Variants in SMYD3 observed in about 807,000 individuals in gnomAD.
SMYD3 encodes histone-lysine N-methyltransferase SMYD3.
Under a neutral mutation model 57.7 loss-of-function variants are expected in SMYD3, and 36 were observed. The observed-to-expected ratio is 0.62, with a 90% CI of 0.48 to 0.82. The LOEUF (loss-of-function observed/expected upper bound fraction) is 0.82. SMYD3 is among the 40% of genes least tolerant of loss of function. SMYD3 has a pLI of 0.00. For synonymous variants in SMYD3, 211 were observed against 195.0 expected (o/e 1.08, Z -0.68); for missense variants, 515 against 538.8 (o/e 0.96, Z 0.44).
At chr1:246,036,013 T>C (rs12040137) in intron 5 of SMYD3, among the ~76,000 whole-genome samples, 2,690 of 152,270 alleles carry the variant, frequency 0.018, 114 homozygotes, top group South Asian at 0.15. Flanking sequence ...CCAGAACCAG[T>C]TGAAAGTGCA....
chr1:245,866,755 AAAC>A (rs1254800880), intron 8 of SMYD3, among the ~76,000 whole-genome samples: 8 of 152,082 alleles, frequency 5.3e-5, no homozygotes, highest in Non-Finnish European at 2.9e-5. Context: ...AAAAGAAGGT[AAAC>A]AACAGTCTCC....
intron 1 of SMYD3, among the ~76,000 whole-genome samples, chr1:246,363,743 C>T (rs1212299476): frequency 6.6e-6 from 1 of 151,922 alleles, no homozygotes; most frequent in Non-Finnish European, 1.5e-5. Flanking sequence ...TAAGAGTCAT[C>T]ACCACTCCCT....
At chr1:246,292,077 C>T (rs12062096) in intron 5 of SMYD3, among the ~76,000 whole-genome samples, 1 of 151,438 alleles carries the variant, frequency 6.6e-6, no homozygotes, top group Admixed American at 6.6e-5. Flanking sequence ...TCCAACACAC[C>T]AGCATCTTAG....
chr1:246,013,678 G>A (rs965612551), intron 5 of SMYD3, among the ~76,000 whole-genome samples: 1 of 152,118 alleles, frequency 6.6e-6, no homozygotes, highest in Non-Finnish European at 1.5e-5. Flanking sequence ...AAAGGGACAC[G>A]CCAGGTATTA....
chr1:246,500,540 C>T (rs534652395), intron 1 of SMYD3, among the ~76,000 whole-genome samples: 2 of 152,314 alleles, frequency 1.3e-5, no homozygotes, highest in South Asian at 2.1e-4. Context: ...CATAATAACC[C>T]GACACAAGGT....
At chr1:246,225,625 T>C (rs1450221791) in intron 5 of SMYD3, among the ~76,000 whole-genome samples, 1 of 152,134 alleles carries the variant, frequency 6.6e-6, no homozygotes, top group Non-Finnish European at 1.5e-5. Context: ...GGAAAGACAG[T>C]GTCTCTGGAG....
intron 1 of SMYD3, among the ~76,000 whole-genome samples, chr1:246,405,478 A>C (rs1319936958): frequency 6.6e-6 from 1 of 152,198 alleles, no homozygotes; most frequent in Non-Finnish European, 1.5e-5. Flanking sequence ...AAAATCCCAG[A>C]GCTAGCCAGA....
chr1:246,334,999 C>A (rs1317171307), intron 3 of SMYD3, among the ~76,000 whole-genome samples: 1 of 152,192 alleles, frequency 6.6e-6, no homozygotes, highest in East Asian at 1.9e-4. Context: ...GCCACAGCCA[C>A]CCCAAAGTTC....
rs2045606008 is a variant in SMYD3 at position 245,756,353 on chromosome 1, T to G, written c.1186-6689A>C. Among the ~76,000 whole-genome samples, 5 of 151,846 alleles carry G rather than the reference T, an allele frequency of 3.3e-5. No homozygotes were observed. In the South Asian group the frequency reaches 8.3e-4, roughly 25 times the overall value. ...TACATACATTTAGAATCATATCAGA[T>G]AGTGTTATAATTTTTGCTTCAACTA... On this transcript the variant is annotated intron_variant, in intron 11 of 11. Coordinates refer to ENST00000490107, the MANE Select transcript of SMYD3 (RefSeq NM_001167740.2).
At chr1:245,820,096 A>G (rs1385369938) in intron 10 of SMYD3, among the ~76,000 whole-genome samples, 29 of 148,286 alleles carry the variant, frequency 2.0e-4, no homozygotes, top group African/African-American at 6.2e-4. Context: ...CAACCAAAAA[A>G]GAGAATTTTA....
intron 3 of SMYD3, among the ~76,000 whole-genome samples, chr1:246,332,641 A>C (rs2065479539): frequency 6.6e-6 from 1 of 152,200 alleles, no homozygotes; most frequent in South Asian, 2.1e-4. Flanking sequence ...CCCTGTCTCT[A>C]CTAAAAGTAC....
At chr1:245,938,626 C>T (rs1028107197) in intron 5 of SMYD3, among the ~76,000 whole-genome samples, 1 of 152,178 alleles carries the variant, frequency 6.6e-6, no homozygotes, top group Non-Finnish European at 1.5e-5. Context: ...AGAAGTAGCT[C>T]ATAATTCTTC....
At chr1:246,373,184 C>T (rs780873577) in intron 1 of SMYD3, among the ~76,000 whole-genome samples, 1 of 151,946 alleles carries the variant, frequency 6.6e-6, no homozygotes, top group African/African-American at 2.4e-5. Context: ...TTTCCCCCTC[C>T]TTTTATTTTT....
chr1:246,304,133 G>C (rs534897252), intron 5 of SMYD3, among the ~76,000 whole-genome samples: 2 of 152,158 alleles, frequency 1.3e-5, no homozygotes, highest in African/African-American at 4.8e-5. Flanking sequence ...AATTTTACTG[G>C]TAAATGAAAT....
At chr1:245,930,626 C>G (rs1014179035) in intron 5 of SMYD3, 11 of 155,212 alleles carry the variant, frequency 7.1e-5, no homozygotes, top group African/African-American at 2.6e-4. Context: ...TGAGGTCACA[C>G]AGAACCATGG....
chr1:246,331,706 C>T (rs1037925261), intron 3 of SMYD3, among the ~76,000 whole-genome samples: 13 of 152,350 alleles, frequency 8.5e-5, no homozygotes, highest in African/African-American at 3.1e-4. Context: ...GCTTTGCAGA[C>T]ATTGCACTGA....
chr1:245,783,844 T>C (rs1459940144), intron 10 of SMYD3, among the ~76,000 whole-genome samples: 2 of 152,194 alleles, frequency 1.3e-5, no homozygotes, highest in Admixed American at 6.5e-5. Context: ...AAAAATACCA[T>C]GTACAGTATC....
chr1:246,178,212 T>C (rs982463470), intron 5 of SMYD3, among the ~76,000 whole-genome samples: 3 of 152,132 alleles, frequency 2.0e-5, no homozygotes, highest in Non-Finnish European at 4.4e-5. Context: ...GTCACCTGAA[T>C]GAACAATGCC....
intron 8 of SMYD3, among the ~76,000 whole-genome samples, chr1:245,897,157 T>TCA (rs2053873207): frequency 6.6e-6 from 1 of 152,102 alleles, no homozygotes; most frequent in Non-Finnish European, 1.5e-5. Flanking sequence ...CACAGAGACG[T>TCA]GAAAAAGAAC....
Sources: allele counts gnomAD v4.1 joint callset (sites outside exome capture counted in the v4.1 genomes callset), GRCh38; gene constraint gnomAD v4.1.1; transcripts MANE v1.5; gene names NCBI Gene and HGNC (gene_info 2026-07-23, HGNC 2026-07-21).